ZCWPW2: variants seen among roughly 807,000 people sequenced by gnomAD.
ZCWPW2 encodes zinc finger CW-type and PWWP domain containing 2.
ZCWPW2 carries 45 observed loss-of-function variants against 46.6 expected under a neutral mutation model. The observed-to-expected ratio is 0.96, with a 90% confidence interval of 0.76 to 1.24. The LOEUF (loss-of-function observed/expected upper bound fraction) is 1.24. Among genes scored for constraint, ZCWPW2 ranks in the 50% most tolerant of loss-of-function variants. The pLI is 0.00. For synonymous variants in ZCWPW2, 152 were observed against 137.1 expected (o/e 1.11, Z -0.76); for missense variants, 429 against 403.9 (o/e 1.06, Z -0.53).
At chr3:28,462,301 C>T (rs973829920) in intron 4 of ZCWPW2, among the ~76,000 whole-genome samples, 3 of 152,160 alleles carry the variant, frequency 2.0e-5, no homozygotes, top group Non-Finnish European at 4.4e-5. Context: ...AGGTTGAACC[C>T]ATGCTATCAA....
intron 1 of ZCWPW2, among the ~76,000 whole-genome samples, chr3:28,385,797 A>T (rs1394773810): frequency 6.6e-6 from 1 of 152,112 alleles, no homozygotes; most frequent in Non-Finnish European, 1.5e-5. Context: ...GGCCATGGTG[A>T]ATTTTTTCTC....
chr3:28,427,943 G>C (rs1364337686), intron 3 of ZCWPW2: 1 of 152,090 alleles, frequency 6.6e-6, no homozygotes, highest in Non-Finnish European at 1.5e-5. Context: ...TGGATTGGTT[G>C]CTTTTAAAAT....
chr3:28,492,086 T>C, intron 5 of ZCWPW2, 41 bp from the exon 6 acceptor site: 2 of 1,594,576 alleles, frequency 1.3e-6, no homozygotes, highest in East Asian at 2.3e-5. Context: ...AACAGGAACA[T>C]AGGCACTTTT....
intron 6 of ZCWPW2, among the ~76,000 whole-genome samples, chr3:28,500,877 G>A (rs1016828270): frequency 2.6e-5 from 4 of 152,146 alleles, no homozygotes; most frequent in African/African-American, 9.7e-5. Context: ...GAAAAGAATA[G>A]CAAGGAGCAG....
At chr3:28,375,041 T>C (rs1705457378) in intron 1 of ZCWPW2, among the ~76,000 whole-genome samples, 1 of 152,080 alleles carries the variant, frequency 6.6e-6, no homozygotes, top group Admixed American at 6.6e-5. Flanking sequence ...ATTGTTTTGC[T>C]GAATCCTCTT....
intron 3 of ZCWPW2, among the ~76,000 whole-genome samples, chr3:28,432,107 A>G (rs866751565): frequency 1.3e-5 from 2 of 152,120 alleles, no homozygotes; most frequent in African/African-American, 4.8e-5. Flanking sequence ...ACATGTGGGG[A>G]TTATGGGAAT....
chr3:28,385,543 C>T (rs772958417), intron 1 of ZCWPW2, among the ~76,000 whole-genome samples: 4 of 152,140 alleles, frequency 2.6e-5, no homozygotes, highest in Non-Finnish European at 5.9e-5. Context: ...TAAGATAGTG[C>T]AAGATAAGAG....
chr3:28,525,133 A>T lies in ZCWPW2; in HGVS notation c.*445A>T, dbSNP rs1027647312. 1 of 152,206 alleles carries T rather than the reference A, an allele frequency of 6.6e-6. No individual in the cohort carries two copies. The highest frequency in any genetic ancestry group is 2.4e-5 in the African/African-American group (1 of 41,462). 9.4% of individuals were successfully genotyped at this position (152,206 alleles called of 1,614,324 possible). A position where few individuals can be genotyped will look rare whatever the true frequency, so the allele number is the denominator to read the frequency against. ...AACTATTACAAAATAAAAGGAAATA[A>T]TTTTTTAAATAATTGTTTAATAGAG... On this transcript the variant is annotated 3_prime_UTR_variant, in exon 10 of 10. Transcript: ENST00000383768.
chr3:28,411,586 A>G (rs1375386589), intron 2 of ZCWPW2, among the ~76,000 whole-genome samples: 2 of 152,102 alleles, frequency 1.3e-5, no homozygotes, highest in East Asian at 1.9e-4. Context: ...ACACACACAC[A>G]CTTCATGTGA....
intron 1 of ZCWPW2, among the ~76,000 whole-genome samples, chr3:28,375,062 C>T (rs917984704): frequency 4.0e-5 from 6 of 151,660 alleles, no homozygotes; most frequent in African/African-American, 7.3e-5. Flanking sequence ...GCTGAATTCA[C>T]GCCTTTATCA....
intron 3 of ZCWPW2, among the ~76,000 whole-genome samples, chr3:28,433,460 A>G (rs1457746653): frequency 6.6e-6 from 1 of 152,182 alleles, no homozygotes; most frequent in African/African-American, 2.4e-5. Flanking sequence ...TCCAAGACTC[A>G]GTTTTCATTT....
At chr3:28,512,201 A>G (rs1427155097) in intron 6 of ZCWPW2, among the ~76,000 whole-genome samples, 3 of 151,352 alleles carry the variant, frequency 2.0e-5, no homozygotes, top group Non-Finnish European at 4.4e-5. Flanking sequence ...TTCTTGAGAC[A>G]GAATCTTGCT....
In ZCWPW2 at chr3:28,401,177, C is replaced by CA. The variant is rs61543016; in HGVS notation, c.-14+10570dup. Among the ~76,000 whole-genome samples the CA allele has an allele frequency of 7.2e-3, 970 of 134,852 alleles. 3 individuals are homozygous for CA. The highest frequency in any genetic ancestry group is 8.9e-3 in the African/African-American group (324 of 36,342). The allele number at this position is 134,852 out of a possible 152,430, so 88.5% of individuals were successfully genotyped here. On this transcript the variant is annotated intron_variant, in intron 2 of 9. Coordinates refer to ENST00000383768, the MANE Select transcript of ZCWPW2 (RefSeq NM_001040432.4). The stretch of plus-strand genomic sequence containing the variant: ...CTGGGCGACGAGCAAGACTCCATCT[C>CA]AAAAAAAAAACAAACAAAAAAGACA...
rs1700814238 is a variant in ZCWPW2, at chr3:28,524,978, TGTTTTACAATG to T, written c.*291_*301del. The T allele has an allele frequency of 5.6e-6, 1 of 178,422 alleles. No homozygotes were observed. Among genetic ancestry groups the T allele is most frequent in the Non-Finnish European group, 1.2e-5 (1 of 86,526 alleles). The allele number at this position is 178,422 out of a possible 1,614,324, so 11.1% of individuals were successfully genotyped here. ...TTGTGAAATTTGCCTAACAAACATATGTTTTACAATGATTGTTTAGGCCCTTTGTTCAAAAA... is the reference window on the plus strand; with the variant it reads ...TTGTGAAATTTGCCTAACAAACATATATTGTTTAGGCCCTTTGTTCAAAAA... On this transcript the variant is annotated 3_prime_UTR_variant, in exon 10 of 10. Transcript: ENST00000383768.
At chr3:28,492,006 G>A (rs1699827560) in intron 5 of ZCWPW2, 121 bp from the exon 6 acceptor site, 2 of 973,690 alleles carry the variant, frequency 2.1e-6, no homozygotes, top group African/African-American at 1.7e-5. Context: ...AGGGACAACG[G>A]GAACAAAATA....
Position 28,348,878 on chromosome 3 carries a change from A to C in ZCWPW2, c.-459A>C. ...CGACGCGAGAGAAGGCCCGTTACCC[A>C]GCAATACGCGCGCGAGACCCAGGCC... is the stretch of plus-strand genomic sequence containing the variant. On this transcript the variant is annotated 5_prime_UTR_variant, in exon 1 of 10. Transcript: ENST00000383768. 3.4e-6 allele frequency: 3 copies of C among 893,598 alleles called. No homozygotes were observed. The highest frequency in any genetic ancestry group is 4.0e-6 in the Non-Finnish European group (3 of 745,948). The allele number at this position is 893,598 out of a possible 1,614,324, so 55.4% of individuals were successfully genotyped here.
Position 28,348,966 on chromosome 3 carries a change from G to A in ZCWPW2, c.-371G>A, listed in dbSNP as rs1295254273. 1.9e-5 allele frequency: 19 copies of A among 985,596 alleles called. No homozygotes were observed. The highest frequency in any genetic ancestry group is 2.2e-5 in the Non-Finnish European group (18 of 830,148). The allele number at this position is 985,596 out of a possible 1,614,324, so 61.1% of individuals were successfully genotyped here. A position where few individuals can be genotyped will look rare whatever the true frequency, so the allele number is the denominator to read the frequency against. On this transcript the variant is annotated 5_prime_UTR_variant, in exon 1 of 10. Coordinates refer to ENST00000383768, the MANE Select transcript of ZCWPW2 (RefSeq NM_001040432.4). ...CACTCCGGAAAGTGATTGGAAGTGT[G>A]GATGAGCTCTCAGCCGGAAAAGGGG... is the stretch of plus-strand genomic sequence containing the variant.
In ZCWPW2 at chr3:28,523,715, A is replaced by G. The variant is rs1033749162; in HGVS notation, c.910-812A>G. Among the ~76,000 whole-genome samples, 14 of 152,198 alleles carry G rather than the reference A, an allele frequency of 9.2e-5. 1 individual carries two copies. The highest frequency in any genetic ancestry group is 3.1e-4 in the African/African-American group (13 of 41,468). On this transcript the variant is annotated intron_variant, in intron 9 of 9. Coordinates refer to ENST00000383768, the MANE Select transcript of ZCWPW2 (RefSeq NM_001040432.4). Reference sequence around the variant, plus strand: ...TGGAAAAAAGCTTATACACATAGATAATCAAAACTCATTTCTATTTGTCAT... The same window carrying G: ...TGGAAAAAAGCTTATACACATAGATGATCAAAACTCATTTCTATTTGTCAT...
At chr3:28,503,523 C>A (rs1700203444) in intron 6 of ZCWPW2, among the ~76,000 whole-genome samples, 1 of 151,976 alleles carries the variant, frequency 6.6e-6, no homozygotes, top group South Asian at 2.1e-4. Flanking sequence ...TATTACCAAT[C>A]AATAGGTTAT....
Sources: allele counts gnomAD v4.1 joint callset (sites outside exome capture counted in the v4.1 genomes callset), GRCh38; gene constraint gnomAD v4.1.1; transcripts MANE v1.5; gene names NCBI Gene and HGNC (gene_info 2026-07-23, HGNC 2026-07-21).